The following PAM variants were observed in gnomAD, a reference collection of about 807,000 sequenced individuals.
The protein encoded by PAM is peptidyl-glycine alpha-amidating monooxygenase.
Under a neutral mutation model 122.1 loss-of-function variants are expected in PAM, and 72 were observed. The ratio of observed to expected loss-of-function variants is 0.59; its 90% CI spans 0.49 to 0.72. PAM has a LOEUF of 0.72. Among genes scored for constraint, PAM ranks in the 30% least tolerant of loss-of-function variants. PAM has a pLI of 0.00. For synonymous variants in PAM, 389 were observed against 404.4 expected (o/e 0.96, Z 0.46); for missense variants, 1,106 against 1,183.7 (o/e 0.93, Z 0.96).
At chr5:102,892,764 G>T (rs1795106321) in intron 3 of PAM, among the ~76,000 whole-genome samples, 1 of 151,722 alleles carries the variant, frequency 6.6e-6, no homozygotes, top group African/African-American at 2.4e-5. Context: ...AAGATTATTT[G>T]CATATTTTAC....
Position 102,847,497 on chromosome 5 carries a change from C to T in PAM, c.-373-18326C>T, listed in dbSNP as rs568288774. On this transcript the variant is annotated intron_variant, in intron 1 of 25. Transcript: ENST00000438793. ...TCAGTTATTTGAGTGGGCATGGTTT[C>T]ACTGGGATCATTATAAAATATTTGC... is the stretch of plus-strand genomic sequence containing the variant. 3.3e-5 allele frequency among the ~76,000 whole-genome samples: 5 copies of T among 152,166 alleles called. No individual in the cohort carries two copies. In the South Asian group the frequency reaches 1.0e-3, roughly 32 times the overall value.
chr5:103,017,492 T>C, intron 22 of PAM, 59 bp downstream of exon 22: 2 of 1,000,172 alleles, frequency 2.0e-6, no homozygotes, highest in Middle Eastern at 2.1e-4. Context: ...CTTAAAAGCA[T>C]ATGAAACAAA....
chr5:102,863,098 T>A (rs1342417793), intron 1 of PAM, among the ~76,000 whole-genome samples: 2 of 145,204 alleles, frequency 1.4e-5, no homozygotes, highest in African/African-American at 5.7e-5. Context: ...AACTACCTAC[T>A]AATACTCCTC....
chr5:102,947,731 T>C (rs1373898568), intron 8 of PAM, among the ~76,000 whole-genome samples: 1 of 152,090 alleles, frequency 6.6e-6, no homozygotes, highest in Non-Finnish European at 1.5e-5. Context: ...TTAGCCCACA[T>C]TAAAGGGCAG....
At chr5:102,969,492 AAG>A (rs1765186530) in intron 14 of PAM, among the ~76,000 whole-genome samples, 1 of 152,034 alleles carries the variant, frequency 6.6e-6, no homozygotes, top group African/African-American at 2.4e-5. Flanking sequence ...GAGGAAGGAG[AAG>A]AGTCTTTCAC....
chr5:102,854,590 C>G (rs1373730489), intron 1 of PAM, among the ~76,000 whole-genome samples: 1 of 152,006 alleles, frequency 6.6e-6, no homozygotes, highest in African/African-American at 2.4e-5. Flanking sequence ...GATCATGGAC[C>G]TCATCTTTTT....
At chr5:103,027,991 A>G (rs1441044846) in intron 24 of PAM, among the ~76,000 whole-genome samples, 194 bp from the exon 25 acceptor site, 1 of 152,182 alleles carries the variant, frequency 6.6e-6, no homozygotes, top group Non-Finnish European at 1.5e-5. Flanking sequence ...CACGGGCAGG[A>G]GTCAAACCCA....
intron 14 of PAM, among the ~76,000 whole-genome samples, chr5:102,964,917 A>G (rs1183196087): frequency 2.6e-5 from 4 of 151,880 alleles, no homozygotes; most frequent in African/African-American, 9.7e-5. Flanking sequence ...ATTTGCATAT[A>G]AGGGAGTTTA....
intron 3 of PAM, among the ~76,000 whole-genome samples, chr5:102,895,590 A>C (rs78073031): frequency 4.1e-3 from 624 of 151,848 alleles, no homozygotes; most frequent in Non-Finnish European, 7.3e-3. Flanking sequence ...AAACACAGAA[A>C]TTGAGAAGAC....
At chr5:102,968,827 T>G (rs1446539271) in intron 14 of PAM, among the ~76,000 whole-genome samples, 1 of 152,048 alleles carries the variant, frequency 6.6e-6, no homozygotes, top group African/African-American at 2.4e-5. Flanking sequence ...TAGCGAAGAC[T>G]TGGAACCAAC....
chr5:102,885,530 A>G (rs1049950081), intron 3 of PAM, among the ~76,000 whole-genome samples: 9 of 151,986 alleles, frequency 5.9e-5, no homozygotes, highest in South Asian at 2.1e-4. Context: ...AGTAAATGCA[A>G]GTATTGAAGA....
At chr5:102,794,980 A>T (rs1407222870) in intron 1 of PAM, among the ~76,000 whole-genome samples, 1 of 151,976 alleles carries the variant, frequency 6.6e-6, no homozygotes. Flanking sequence ...ACTTGTGCCC[A>T]GGAGTTGGAG....
chr5:102,889,592 A>G (rs775738324), intron 3 of PAM, among the ~76,000 whole-genome samples: 30 of 151,868 alleles, frequency 2.0e-4, no homozygotes, highest in Non-Finnish European at 3.4e-4. Flanking sequence ...GAACATTGAT[A>G]TCATTTAAAT....
intron 1 of PAM, among the ~76,000 whole-genome samples, chr5:102,855,097 TG>T (rs1782291422): frequency 6.6e-6 from 1 of 152,218 alleles, no homozygotes; most frequent in Non-Finnish European, 1.5e-5. Context: ...TTTGTTCTTT[TG>T]TTAATGACTT....
chr5:102,902,937 T>C (rs1798423223), intron 4 of PAM, among the ~76,000 whole-genome samples: 1 of 151,520 alleles, frequency 6.6e-6, no homozygotes, highest in Non-Finnish European at 1.5e-5. Flanking sequence ...GGACTATAAA[T>C]ATATATCCTG....
chr5:102,776,206 T>C (rs915042262), intron 1 of PAM, among the ~76,000 whole-genome samples: 1 of 152,168 alleles, frequency 6.6e-6, no homozygotes, highest in Non-Finnish European at 1.5e-5. Flanking sequence ...TGTAAATTTC[T>C]TTAAGTTCCT....
At chr5:102,933,713 A>T (rs1752338348) in intron 7 of PAM, among the ~76,000 whole-genome samples, 1 of 152,256 alleles carries the variant, frequency 6.6e-6, no homozygotes, top group Non-Finnish European at 1.5e-5. Flanking sequence ...TCTGCCTCTT[A>T]GAAGACTACT....
chr5:102,950,649 C>T (rs1397640633), intron 11 of PAM, 68 bp from the exon 12 acceptor site: 3 of 940,926 alleles, frequency 3.2e-6, no homozygotes, highest in Non-Finnish European at 5.2e-6. Context: ...TACCTCAACA[C>T]AGTCAAACAT....
chr5:102,931,152 C>G (rs1398066420), intron 7 of PAM, among the ~76,000 whole-genome samples: 2 of 152,134 alleles, frequency 1.3e-5, no homozygotes, highest in African/African-American at 2.4e-5. Flanking sequence ...ATAAATTTCC[C>G]TAAATACAAT....
Sources: allele counts gnomAD v4.1 joint callset (sites outside exome capture counted in the v4.1 genomes callset), GRCh38; gene constraint gnomAD v4.1.1; transcripts MANE v1.5; gene names NCBI Gene and HGNC (gene_info 2026-07-23, HGNC 2026-07-21).